ECPAS: variants seen among roughly 807,000 people sequenced by gnomAD.
The protein encoded by ECPAS is proteasome adapter and scaffold protein ECM29.
Under a neutral mutation model 255.1 loss-of-function variants are expected in ECPAS, and 70 were observed. The observed-to-expected ratio is 0.27, with a 90% confidence interval of 0.23 to 0.33. The LOEUF is 0.33. Among genes scored for constraint, ECPAS ranks in the 10% least tolerant of loss-of-function variants. The pLI, the probability that ECPAS is intolerant of heterozygous loss-of-function variation, is 1.00. For synonymous variants in ECPAS, 784 were observed against 775.0 expected, an observed-to-expected ratio of 1.01 and a Z score of -0.19; for missense variants, 1,817 against 2,206.4, an observed-to-expected ratio of 0.82 and a Z score of 3.54.
At chr9:111,385,536 T>C (rs1443005056) in intron 32 of ECPAS, 94 bp from the exon 33 acceptor site, 3 of 759,326 alleles carry the variant, frequency 4.0e-6, no homozygotes. Context: ...ATTCTGCCTC[T>C]AATTCGAGTT....
At chr9:111,378,208 T>C (rs1481137307) in intron 36 of ECPAS, among the ~76,000 whole-genome samples, 1 of 152,060 alleles carries the variant, frequency 6.6e-6, no homozygotes, top group Non-Finnish European at 1.5e-5. Flanking sequence ...GTGACTCCAT[T>C]ACACCTAAAA....
chr9:111,382,587 C>T (rs1036080770), intron 35 of ECPAS, among the ~76,000 whole-genome samples: 12 of 152,062 alleles, frequency 7.9e-5, no homozygotes, highest in South Asian at 2.1e-4. Context: ...CTCTTAATTG[C>T]GTCATGCCTT....
intron 24 of ECPAS, among the ~76,000 whole-genome samples, chr9:111,397,921 AC>A (rs2098170044): frequency 6.6e-6 from 1 of 152,202 alleles, no homozygotes; most frequent in Non-Finnish European, 1.5e-5. Context: ...TCTATATAGT[AC>A]CCACTCAAGT....
chr9:111,418,925 T>C (rs1038733380), intron 16 of ECPAS, among the ~76,000 whole-genome samples: 1 of 152,194 alleles, frequency 6.6e-6, no homozygotes, highest in Non-Finnish European at 1.5e-5. Flanking sequence ...AAAGCCACTT[T>C]AACCAGATTG....
intron 2 of ECPAS, among the ~76,000 whole-genome samples, chr9:111,465,423 C>T (rs1012377202): frequency 3.3e-5 from 5 of 151,792 alleles, no homozygotes; most frequent in Admixed American, 1.3e-4. Context: ...GCCTGTAATC[C>T]GAGCTACTCG....
intron 2 of ECPAS, among the ~76,000 whole-genome samples, chr9:111,461,800 T>C (rs1006760061): frequency 6.6e-6 from 1 of 152,178 alleles, no homozygotes; most frequent in Non-Finnish European, 1.5e-5. Context: ...TACAGTTCCA[T>C]GTGGATAGGG....
chr9:111,391,495 C>T (rs1422126226), intron 29 of ECPAS, among the ~76,000 whole-genome samples: 1 of 151,594 alleles, frequency 6.6e-6, no homozygotes, highest in Non-Finnish European at 1.5e-5. Context: ...GAGAATCTAT[C>T]GCTTGAACCC....
intron 48 of ECPAS, among the ~76,000 whole-genome samples, chr9:111,365,318 C>G (rs1197133852): frequency 6.6e-6 from 1 of 151,090 alleles, no homozygotes; most frequent in Non-Finnish European, 1.5e-5. Flanking sequence ...TCATCATCAT[C>G]ATCATCACCT....
rs144469916 is a variant in ECPAS at position 111,410,954 on chromosome 9, C to T, written c.2377+26G>A. 7,388 of 1,577,662 alleles carry T rather than the reference C, an allele frequency of 4.7e-3. 385 individuals carry two copies. The Admixed American group carries it at 0.11, about 22-fold the overall frequency. The stretch of plus-strand genomic sequence containing the variant: ...AACATAATTCAAAAACTGCAACACC[C>T]AAATCGACATAAAGACATTAATTAC... On this transcript the variant is annotated intron_variant, in intron 22 of 49. Transcript: ENST00000684092.
rs543118988 is a variant in ECPAS at position 111,431,810 on chromosome 9, C to A, written c.849-1182G>T. The stretch of plus-strand genomic sequence containing the variant: ...TCTTTCATAGTTTATAAATATGCTT[C>A]TTCTTAGAATAGCCACAATTCCGCT... On this transcript the variant is annotated intron_variant, in intron 8 of 49. Coordinates refer to ENST00000684092, the MANE Select transcript of ECPAS (RefSeq NM_001364929.1). Among the ~76,000 whole-genome samples, 12 of 152,292 alleles carry A rather than the reference C, an allele frequency of 7.9e-5. No homozygotes were observed. In the East Asian group the frequency reaches 2.1e-3, roughly 27 times the overall value.
intron 15 of ECPAS, among the ~76,000 whole-genome samples, chr9:111,421,409 A>ATATG (rs906013332): frequency 7.0e-6 from 1 of 143,326 alleles, no homozygotes; most frequent in Non-Finnish European, 1.5e-5. Context: ...TATTACATAT[A>ATATG]TGTGTGTGTG....
intron 5 of ECPAS, among the ~76,000 whole-genome samples, chr9:111,441,905 C>T (rs1480958880): frequency 2.0e-5 from 3 of 152,178 alleles, no homozygotes; most frequent in African/African-American, 7.2e-5. Flanking sequence ...CCCTTTTCAC[C>T]GCACCACTTC....
Position 111,397,134 on chromosome 9 carries a change from T to A in ECPAS, c.2672A>T (p.Gln891Leu), listed in dbSNP as rs1226675810. Residue 891 changes from glutamine to leucine, a missense_variant, in exon 25 of 50, where the codon CAG becomes CTG. By Grantham distance (113) the Gln-to-Leu change is moderately radical (BLOSUM62 -2). Around this residue, in one of 4 missense-constraint regions of ECPAS, gnomAD observed 960 missense variants for 1,179.0 expected, o/e 0.81. Transcript: ENST00000684092. ...DSVEAKQIEL[Q>L]FTIGEAITSA... ...GGTAATGGCTTCGCCAATAGTGAAC[T>A]GAAGTTCTATCTGCTTGGCCTGCAA... 6.2e-7 allele frequency: 1 copy of A among 1,613,908 alleles called. No individual in the cohort carries two copies. Among genetic ancestry groups the A allele is most frequent in the Admixed American group, 1.7e-5 (1 of 60,030 alleles).
chr9:111,380,212 T>G (rs775829559), intron 35 of ECPAS, among the ~76,000 whole-genome samples: 12 of 152,242 alleles, frequency 7.9e-5, no homozygotes, highest in Non-Finnish European at 1.8e-4. Context: ...CTAACAGCCA[T>G]GAAAACATTC....
At chr9:111,427,490 G>C (rs1390425158) in intron 10 of ECPAS, among the ~76,000 whole-genome samples, 4 of 152,180 alleles carry the variant, frequency 2.6e-5, no homozygotes, top group African/African-American at 9.7e-5. Flanking sequence ...ATAAATGGAA[G>C]CCAATATAGC....
chr9:111,456,767 T>G (rs1190155598), intron 2 of ECPAS, among the ~76,000 whole-genome samples: 2 of 152,140 alleles, frequency 1.3e-5, no homozygotes, highest in Non-Finnish European at 2.9e-5. Flanking sequence ...TTCTCCTATC[T>G]AGGTCACTCA....
Position 111,425,588 on chromosome 9 carries a change from C to T in ECPAS, c.1137-92G>A, listed in dbSNP as rs2098220401. 1.4e-5 allele frequency: 15 copies of T among 1,069,906 alleles called. No homozygotes were observed. In the South Asian group the frequency reaches 2.3e-4, roughly 16 times the overall value. 66.3% of individuals were successfully genotyped at this position (1,069,906 alleles called of 1,614,324 possible). A position where few individuals can be genotyped will look rare whatever the true frequency, so the allele number is the denominator to read the frequency against. On this transcript the variant is annotated intron_variant, in intron 11 of 49. Coordinates refer to ENST00000684092, the MANE Select transcript of ECPAS (RefSeq NM_001364929.1). ...TTACATAAAATAATGAGAGACATAA[C>T]CGAAATAAGTTAAATAATCTATTAA...
At chr9:111,433,446 A>G (rs974740023) in intron 7 of ECPAS, 74 bp from the exon 8 acceptor site, 22 of 1,516,652 alleles carry the variant, frequency 1.5e-5, no homozygotes, top group East Asian at 9.0e-5. Flanking sequence ...ACTGCTTAAC[A>G]TATCAGTGTG....
chr9:111,451,924 A>G (rs1235109790), intron 2 of ECPAS, among the ~76,000 whole-genome samples: 1 of 152,226 alleles, frequency 6.6e-6, no homozygotes, highest in Non-Finnish European at 1.5e-5. Context: ...ATTAGGGACA[A>G]TATATCTATC....
Sources: gnomAD v4.1 joint callset for allele counts (sites outside exome capture counted in the v4.1 genomes callset) on GRCh38, gnomAD v4.1.1 for gene constraint, gnomAD v4.1.1 regional missense constraint, MANE v1.5 for transcripts, NCBI Gene and HGNC (gene_info 2026-07-23, HGNC 2026-07-21) for gene names.